COL5A3: variants seen among roughly 807,000 people sequenced by gnomAD.
COL5A3 encodes collagen type V alpha 3 chain, also known as collagen alpha-3(V) chain.
In COL5A3, 172 loss-of-function variants were observed where a neutral mutation model predicts 250.0. The ratio of observed to expected loss-of-function variants is 0.69; its 90% confidence interval spans 0.61 to 0.78. The LOEUF (loss-of-function observed/expected upper bound fraction) is 0.78. COL5A3 is among the 30% of genes least tolerant of loss of function. The pLI is 0.00. For missense variants in COL5A3, 2,340 were observed against 2,334.4 expected, an observed-to-expected ratio of 1.00 and a Z score of -0.05; for synonymous variants, 937 against 900.4, an observed-to-expected ratio of 1.04 and a Z score of -0.73.
chr19:9,969,845 CT>C, intron 55 of COL5A3, 23 bp downstream of exon 55: 1 of 1,613,226 alleles, frequency 6.2e-7, no homozygotes, highest in Non-Finnish European at 8.5e-7. Context: ...TGCAGGGACC[CT>C]TCCCCTTGCC....
Position 9,975,510 on chromosome 19 carries a change from C to T in COL5A3, c.3342+1048G>A, listed in dbSNP as rs141529912. ...TTAAGGTTGAGTGTATATTGGACAT[C>T]GATATAGAGGGGCAGATCAAAGTTG... On this transcript the variant is annotated intron_variant, in intron 45 of 66. Transcript: ENST00000264828. Among the ~76,000 whole-genome samples, 26 of 152,084 alleles carry T rather than the reference C, an allele frequency of 1.7e-4. No homozygotes were observed. The East Asian group carries it at 1.9e-3, about 11-fold the overall frequency.
intron 1 of COL5A3, 129 bp from the exon 2 acceptor site, chr19:10,006,360 T>C: frequency 3.3e-6 from 3 of 921,050 alleles, no homozygotes; most frequent in Non-Finnish European, 4.7e-6. Context: ...ACCATGTTTG[T>C]GGCTCAGGAA....
chr19:9,996,338 GA>G, intron 13 of COL5A3, 76 bp from the exon 14 acceptor site: 2 of 1,550,856 alleles, frequency 1.3e-6, no homozygotes, highest in Non-Finnish European at 1.7e-6. Context: ...ATCTTCAGGA[GA>G]AAAATAACCC....
At chr19:9,996,961 A>T (rs2087283170) in intron 11 of COL5A3, 4 of 536,300 alleles carry the variant, frequency 7.5e-6, no homozygotes, top group Non-Finnish European at 1.3e-5. Flanking sequence ...ACAGAAACAG[A>T]GAGACAGAGA....
intron 8 of COL5A3, among the ~76,000 whole-genome samples, chr19:9,999,761 T>C (rs112478482): frequency 0.035 from 5,335 of 152,200 alleles, 313 homozygotes; most frequent in African/African-American, 0.12. Context: ...CCACCGCGCC[T>C]GGCCCAAGCC....
In COL5A3 at chr19:9,971,034, TG is replaced by T. The variant is rs765634446; in HGVS notation, c.3829-7del. ...CCTGGGGAACCATCTATGCCCTGCA[TG>T]GGGGGAAGACAGAGTTGGGAGGGGT... On this transcript the variant is annotated splice_region_variant and splice_polypyrimidine_tract_variant and intron_variant, in intron 52 of 66. Transcript: ENST00000264828. The T allele has an allele frequency of 2.0e-6, 3 of 1,521,622 alleles. No homozygotes were observed. Among genetic ancestry groups the T allele is most frequent in the Non-Finnish European group, 2.6e-6 (3 of 1,140,688 alleles). The allele number at this position is 1,521,622 out of a possible 1,614,324, so 94.3% of individuals were successfully genotyped here. A position where few individuals can be genotyped will look rare whatever the true frequency, so the allele number is the denominator to read the frequency against.
chr19:9,959,960 G>C lies in COL5A3; in HGVS notation c.*451C>G, dbSNP rs573174477. On this transcript the variant is annotated 3_prime_UTR_variant, in exon 67 of 67. Transcript: ENST00000264828. ...GGAAGTAGAAAGGATCAAAGGGGGT[G>C]GGGGTAGGGGTCCCAGCCTGGGATC... The C allele has an allele frequency of 5.8e-6, 1 of 172,164 alleles. No individual in the cohort carries two copies. Among genetic ancestry groups the C allele is most frequent in the African/African-American group, 2.4e-5 (1 of 42,256 alleles). 10.7% of individuals were successfully genotyped at this position (172,164 alleles called of 1,614,324 possible).
At chr19:9,977,947 C>CACATATAT (rs1325124285) in intron 41 of COL5A3, among the ~76,000 whole-genome samples, 5 of 106,140 alleles carry the variant, frequency 4.7e-5, no homozygotes, top group Admixed American at 2.2e-4. Context: ...GCAGCCTATA[C>CACATATAT]ATATATATAT....
In COL5A3 at chr19:10,005,638, A is replaced by G; in HGVS notation, c.514T>C (p.Leu172=). ...CTGATGAAGCGGGGGCCATGGCCCA[A>G]AACAGGGGGCTGAGCTTCACAGTCA... The part of the protein sequence containing the change: ...VADCEAQPPV[L]GHGPRFISIA... The change falls in exon 4 of 67, where the codon TTG becomes CTG. Residue 172 remains leucine (L), a synonymous_variant. Coordinates refer to ENST00000264828, the MANE Select transcript of COL5A3 (RefSeq NM_015719.4). 1 of 1,614,144 alleles carries G rather than the reference A, an allele frequency of 6.2e-7. No homozygotes were observed. Among genetic ancestry groups the G allele is most frequent in the Non-Finnish European group, 8.5e-7 (1 of 1,179,994 alleles).
chr19:10,010,435 G>C lies in COL5A3; in HGVS notation c.-50C>G. 2 of 1,259,330 alleles carry C rather than the reference G, an allele frequency of 1.6e-6. No individual in the cohort carries two copies. Among genetic ancestry groups the C allele is most frequent in the Non-Finnish European group, 2.1e-6 (2 of 974,280 alleles). The allele number at this position is 1,259,330 out of a possible 1,614,324, so 78.0% of individuals were successfully genotyped here. A position where few individuals can be genotyped will look rare whatever the true frequency, so the allele number is the denominator to read the frequency against. Reference sequence around the variant, plus strand: ...GGGGAACCAGTCGGGGCGGCTGCGGGGCGCGGCGACTTCTCGGGCTCGGTG... The same window carrying C: ...GGGGAACCAGTCGGGGCGGCTGCGGCGCGCGGCGACTTCTCGGGCTCGGTG... On this transcript the variant is annotated 5_prime_UTR_variant, in exon 1 of 67. Coordinates refer to ENST00000264828, the MANE Select transcript of COL5A3 (RefSeq NM_015719.4).
In COL5A3 at chr19:9,979,410, T is replaced by A. The variant is rs369884944; in HGVS notation, c.2720A>T (p.Gln907Leu). The A allele has an allele frequency of 2.0e-5, 33 of 1,613,936 alleles. No homozygotes were observed. The highest frequency in any genetic ancestry group is 2.6e-5 in the Non-Finnish European group (31 of 1,180,020). Residue 907 changes from glutamine (Q) to leucine (L), a missense_variant, in exon 38 of 67, where the codon CAA becomes CTA. Physicochemically the swap from Gln to Leu is moderately radical, Grantham distance 113. Transcript: ENST00000264828. ...TGGTCCAGGCGGGCCTGTCTGACCT[T>A]GGAAGCCCTAGAGAGAAAAATTAAA... Reference protein sequence around the residue: ...HPGQRGELGFQGQTGPPGPAG... With the variant: ...HPGQRGELGFLGQTGPPGPAG...
chr19:9,977,947 C>CATACATATAT lies in COL5A3; in HGVS notation c.3019-247_3019-246insATATATGTAT, dbSNP rs1555736344. Among the ~76,000 whole-genome samples, 15 of 106,160 alleles carry CATACATATAT rather than the reference C, an allele frequency of 1.4e-4. No homozygotes were observed. In the Admixed American group the frequency reaches 1.4e-3, roughly 10 times the overall value. The allele number at this position is 106,160 out of a possible 152,430, so 69.6% of individuals were successfully genotyped here. ...GCCATAGTCCTCCTGGCAGCCTATACATATATATATATATATATATATATA... is the reference window on the plus strand; with the variant it reads ...GCCATAGTCCTCCTGGCAGCCTATACATACATATATATATATATATATATATATATATATA... On this transcript the variant is annotated intron_variant, in intron 41 of 66. Coordinates refer to ENST00000264828, the MANE Select transcript of COL5A3 (RefSeq NM_015719.4).
chr19:9,965,945 C>T (rs2086739105), intron 64 of COL5A3, among the ~76,000 whole-genome samples: 1 of 152,116 alleles, frequency 6.6e-6, no homozygotes, highest in Admixed American at 6.5e-5. Context: ...AGGATCCTCC[C>T]GCCTCAGTCT....
At chr19:9,981,044 TC>T in intron 33 of COL5A3, 43 bp downstream of exon 33, 1 of 1,598,274 alleles carries the variant, frequency 6.3e-7, no homozygotes, top group Non-Finnish European at 8.6e-7. Context: ...CCCAGCCCTG[TC>T]CCCAAGTCCC....
intron 8 of COL5A3, among the ~76,000 whole-genome samples, chr19:10,000,846 A>G (rs1333203518): frequency 6.6e-6 from 1 of 152,172 alleles, no homozygotes; most frequent in African/African-American, 2.4e-5. Flanking sequence ...CAGGAACAGA[A>G]GACCATATAC....
chr19:10,003,955 T>G lies in COL5A3; in HGVS notation c.699+86A>C. 4 of 1,175,110 alleles carry G rather than the reference T, an allele frequency of 3.4e-6. No homozygotes were observed. In the East Asian group the frequency reaches 7.0e-5, roughly 21 times the overall value. The allele number at this position is 1,175,110 out of a possible 1,614,324, so 72.8% of individuals were successfully genotyped here. On this transcript the variant is annotated intron_variant, in intron 5 of 66. Coordinates refer to ENST00000264828, the MANE Select transcript of COL5A3 (RefSeq NM_015719.4). ...GTCACTTAACCCCATGTCTGGGGGA[T>G]GAGAATTCACTCTTTCTAGGGATCT...
At chr19:9,987,567 T>C (rs1455735309) in intron 27 of COL5A3, among the ~76,000 whole-genome samples, 1 of 149,786 alleles carries the variant, frequency 6.7e-6, no homozygotes. Context: ...GAAAACCTCA[T>C]CTATACAAAA....
rs775339681 is a variant in COL5A3 at position 10,001,567 on chromosome 19, C to T, written c.1067G>A (p.Arg356Gln). ...AGTCCGAGATGGATATTCTGCTGCC[C>T]GGAAGTCAGGGCCCATGGTGGAATC... The part of the protein sequence containing the change: ...GDDSTMGPDF[R>Q]AAEYPSRTQF... Residue 356 changes from arginine to glutamine, a missense_variant, in exon 8 of 67, where the codon CGG becomes CAG. Physicochemically the swap from Arg to Gln is conservative, Grantham distance 43. Transcript: ENST00000264828. 2.4e-5 allele frequency: 39 copies of T among 1,614,094 alleles called. No individual in the cohort carries two copies. Among genetic ancestry groups the T allele is most frequent in the South Asian group, 3.3e-5 (3 of 91,072 alleles).
rs140930602 is a variant in COL5A3, at chr19:10,004,006, T to C, written c.699+35A>G. ...GGAGCCAGGAAGGACCCAGCCTGTG[T>C]CCTGAGATTAGGAGTCATGGAGTCC... On this transcript the variant is annotated intron_variant, in intron 5 of 66. Coordinates refer to ENST00000264828, the MANE Select transcript of COL5A3 (RefSeq NM_015719.4). The C allele has an allele frequency of 2.9e-4, 441 of 1,510,804 alleles. 1 individual carries two copies. In the East Asian group the frequency reaches 9.8e-3, roughly 33 times the overall value. The allele number at this position is 1,510,804 out of a possible 1,614,324, so 93.6% of individuals were successfully genotyped here. A position where few individuals can be genotyped will look rare whatever the true frequency, so the allele number is the denominator to read the frequency against.
Sources: allele counts gnomAD v4.1 joint callset (sites outside exome capture counted in the v4.1 genomes callset), GRCh38; gene constraint gnomAD v4.1.1; transcripts MANE v1.5; gene names NCBI Gene and HGNC (gene_info 2026-07-23, HGNC 2026-07-21).